The following NCOA1 variants were observed in gnomAD, a reference collection of about 807,000 sequenced individuals.
The protein encoded by NCOA1 is nuclear receptor coactivator 1.
NCOA1 carries 35 observed loss-of-function variants against 150.9 expected under a neutral mutation model. That is an observed-to-expected ratio of 0.23 (90% CI 0.18 to 0.31). NCOA1 has a LOEUF of 0.31. NCOA1 is among the 10% of genes least tolerant of loss of function. The probability of loss-of-function intolerance (pLI) is 1.00; values close to 1 mark genes in which losing one functional copy is unlikely to be tolerated. For synonymous variants in NCOA1, 590 were observed against 630.0 expected, an observed-to-expected ratio of 0.94 and a Z score of 0.95; for missense variants, 1,491 against 1,749.3, an observed-to-expected ratio of 0.85 and a Z score of 2.63.
At chr2:24,629,486 T>G (rs866335104) in intron 3 of NCOA1, among the ~76,000 whole-genome samples, 112 of 151,062 alleles carry the variant, frequency 7.4e-4, no homozygotes, top group Middle Eastern at 3.4e-3. Context: ...TGGGTTTTTT[T>G]TTTTTTTTTT....
chr2:24,679,503 CT>C (rs1161468922), intron 7 of NCOA1, among the ~76,000 whole-genome samples: 1 of 152,028 alleles, frequency 6.6e-6, no homozygotes, highest in East Asian at 1.9e-4. Context: ...ACATTTTAAT[CT>C]TTATAAGTAT....
At chr2:24,710,875 T>C in intron 13 of NCOA1, 56 bp from the exon 14 acceptor site, 1 of 1,535,808 alleles carries the variant, frequency 6.5e-7, no homozygotes, top group Non-Finnish European at 8.9e-7. Flanking sequence ...TTTTTCTACG[T>C]TGTTTCAGGT....
chr2:24,726,068 T>G (rs1044499889), intron 14 of NCOA1, among the ~76,000 whole-genome samples: 5 of 152,206 alleles, frequency 3.3e-5, no homozygotes, highest in African/African-American at 1.2e-4. Context: ...GCCATCATTA[T>G]AAGTCTCAGT....
At chr2:24,665,144 T>G (rs893397252) in intron 5 of NCOA1, among the ~76,000 whole-genome samples, 3 of 151,908 alleles carry the variant, frequency 2.0e-5, no homozygotes, top group African/African-American at 7.3e-5. Flanking sequence ...CAAATCATTT[T>G]TTTTTCTGTC....
intron 4 of NCOA1, among the ~76,000 whole-genome samples, chr2:24,645,701 A>C (rs1242926496): frequency 6.6e-6 from 1 of 152,098 alleles, no homozygotes; most frequent in Non-Finnish European, 1.5e-5. Context: ...TGAGCATCCG[A>C]AATCTGAAAT....
At chr2:24,701,643 A>C (rs1673167652) in intron 11 of NCOA1, among the ~76,000 whole-genome samples, 1 of 152,274 alleles carries the variant, frequency 6.6e-6, no homozygotes. Flanking sequence ...ATGGAATTAC[A>C]AATGACTTGA....
rs181896755 is a variant in NCOA1, at chr2:24,591,999, C to T, written c.-175+7439C>T. Among the ~76,000 whole-genome samples the T allele has an allele frequency of 5.8e-4, 88 of 152,174 alleles. 1 individual carries two copies. The highest frequency in any genetic ancestry group is 2.0e-3 in the African/African-American group (82 of 41,532). ...ATCATGTATTTAATGTCTCTTTTCT[C>T]CATTAGTTTATAAGCTCCATAAAAG... On this transcript the variant is annotated intron_variant, in intron 3 of 22. Transcript: ENST00000348332.
intron 1 of NCOA1, among the ~76,000 whole-genome samples, chr2:24,500,469 GTTTC>G (rs1663414771): frequency 6.6e-6 from 1 of 152,210 alleles, no homozygotes; most frequent in African/African-American, 2.4e-5. Flanking sequence ...CTGTGAAGAT[GTTTC>G]TTCTCTTTCA....
At chr2:24,751,849 T>C in intron 19 of NCOA1, 133 bp from the exon 20 acceptor site, 1 of 859,438 alleles carries the variant, frequency 1.2e-6, no homozygotes, top group Non-Finnish European at 1.7e-6. Flanking sequence ...GTAAATATAT[T>C]GCCTGACACA....
At chr2:24,614,199 C>CTTTTTTTTTTTTTTTTT (rs869113477) in intron 3 of NCOA1, among the ~76,000 whole-genome samples, 121 of 9,170 alleles carry the variant, frequency 0.013, 46 homozygotes, top group Admixed American at 0.02. Context: ...CATTTCCATT[C>CTTTTTTTTTTTTTTTTT]TTTTTTTTTT....
At chr2:24,742,369 C>CTTA (rs781202949) in intron 19 of NCOA1, among the ~76,000 whole-genome samples, 183 bp downstream of exon 19, 9 of 152,116 alleles carry the variant, frequency 5.9e-5, no homozygotes, top group Non-Finnish European at 1.3e-4. Context: ...TGGTTTGAGG[C>CTTA]TTATCTCCCT....
chr2:24,604,307 A>C (rs919285975), intron 3 of NCOA1, among the ~76,000 whole-genome samples: 1 of 152,324 alleles, frequency 6.6e-6, no homozygotes, highest in South Asian at 2.1e-4. Flanking sequence ...CACCAGCTGC[A>C]TTAGCCCCTA....
At chr2:24,563,381 C>T (rs776780748) in intron 1 of NCOA1, among the ~76,000 whole-genome samples, 3 of 152,112 alleles carry the variant, frequency 2.0e-5, no homozygotes, top group Non-Finnish European at 2.9e-5. Flanking sequence ...ATTTCTGACC[C>T]GTGGTATAAT....
At chr2:24,759,748 T>A (rs1189186893) in intron 21 of NCOA1, among the ~76,000 whole-genome samples, 1 of 152,104 alleles carries the variant, frequency 6.6e-6, no homozygotes. Context: ...TTATATCACC[T>A]CTATATCACA....
At chr2:24,691,741 T>A (rs1672676631) in intron 9 of NCOA1, 81 bp downstream of exon 9, 4 of 1,425,084 alleles carry the variant, frequency 2.8e-6, no homozygotes, top group Non-Finnish European at 3.8e-6. Flanking sequence ...ATAAACTGCC[T>A]TTTTCAGATA....
At chr2:24,526,723 A>AAT (rs1553423721) in intron 1 of NCOA1, among the ~76,000 whole-genome samples, 3 of 152,204 alleles carry the variant, frequency 2.0e-5, no homozygotes, top group Non-Finnish European at 1.5e-5. Flanking sequence ...TCAAAAAAAA[A>AAT]AAATTAATAA....
intron 4 of NCOA1, among the ~76,000 whole-genome samples, chr2:24,652,470 C>T (rs749830551): frequency 5.3e-5 from 8 of 152,006 alleles, no homozygotes; most frequent in Non-Finnish European, 1.2e-4. Context: ...AATGCTTCTT[C>T]GTGCTAACTG....
At chr2:24,597,982 A>G (rs1461216726) in intron 3 of NCOA1, among the ~76,000 whole-genome samples, 1 of 151,832 alleles carries the variant, frequency 6.6e-6, no homozygotes, top group East Asian at 1.9e-4. Flanking sequence ...CCTGTGTCCA[A>G]GTGTTCTCAT....
intron 10 of NCOA1, 28 bp downstream of exon 10, chr2:24,693,375 C>T: frequency 6.4e-7 from 1 of 1,558,940 alleles, no homozygotes; most frequent in Non-Finnish European, 8.9e-7. Flanking sequence ...CAGAATGTTC[C>T]ATAGGTATTA....
Sources: allele counts gnomAD v4.1 joint callset (sites outside exome capture counted in the v4.1 genomes callset), GRCh38; gene constraint gnomAD v4.1.1; transcripts MANE v1.5; gene names NCBI Gene and HGNC (gene_info 2026-07-23, HGNC 2026-07-21).